The following GPR158 variants were observed in gnomAD, a reference collection of about 807,000 sequenced individuals.
GPR158 encodes G protein-coupled receptor 158, also known as metabotropic glycine receptor.
GPR158 carries 30 observed loss-of-function variants against 78.2 expected under a neutral mutation model. The observed-to-expected ratio is 0.38, with a 90% CI of 0.29 to 0.52. GPR158 has a LOEUF of 0.52. Among genes scored for constraint, GPR158 ranks in the 20% least tolerant of loss-of-function variants. The probability of loss-of-function intolerance (pLI) is 0.83; values close to 1 mark genes in which losing one functional copy is unlikely to be tolerated. For missense variants in GPR158, 1,463 were observed against 1,523.5 expected (o/e 0.96, Z 0.66); for synonymous variants, 581 against 591.1 (o/e 0.98, Z 0.25).
chr10:25,272,941 ATCATAATT>A (rs931969017), intron 2 of GPR158, among the ~76,000 whole-genome samples: 1 of 152,326 alleles, frequency 6.6e-6, no homozygotes, highest in African/African-American at 2.4e-5. Flanking sequence ...ATATGTCAAC[ATCATAATT>A]TCATGGGATT....
intron 2 of GPR158, among the ~76,000 whole-genome samples, chr10:25,252,112 C>T (rs1853811734): frequency 6.6e-6 from 1 of 152,170 alleles, no homozygotes; most frequent in Admixed American, 6.5e-5. Flanking sequence ...GCATCAGCTC[C>T]TGAGGCTTCT....
chr10:25,224,108 G>A (rs1056075503), intron 2 of GPR158, among the ~76,000 whole-genome samples: 10 of 152,226 alleles, frequency 6.6e-5, no homozygotes, highest in Admixed American at 6.5e-4. Context: ...GGTCTAGGAG[G>A]CCACTAAGCA....
chr10:25,449,440 T>C (rs1835184689), intron 4 of GPR158, among the ~76,000 whole-genome samples: 1 of 152,248 alleles, frequency 6.6e-6, no homozygotes, highest in African/African-American at 2.4e-5. Context: ...GTGATTCTTA[T>C]CAATGTTGCT....
chr10:25,319,830 C>CA (rs140178276), intron 2 of GPR158, among the ~76,000 whole-genome samples: 39 of 146,104 alleles, frequency 2.7e-4, no homozygotes, highest in South Asian at 1.5e-3. Context: ...CCACCCCCCC[C>CA]AAAAAAAAAC....
intron 6 of GPR158, among the ~76,000 whole-genome samples, chr10:25,559,886 C>G (rs1836839605): frequency 6.6e-6 from 1 of 152,206 alleles, no homozygotes. Flanking sequence ...TGTAACTCTT[C>G]TGATCTGTAA....
Position 25,449,725 on chromosome 10 carries a change from A to AT in GPR158, c.1336-16922dup, listed in dbSNP as rs1835188537. Among the ~76,000 whole-genome samples the AT allele has an allele frequency of 2.6e-5, 4 of 152,138 alleles. No homozygotes were observed. In the South Asian group the frequency reaches 8.3e-4, roughly 31 times the overall value. On this transcript the variant is annotated intron_variant, in intron 4 of 10. Transcript: ENST00000376351. ...TATACTTGAACATCCCTGAGAGGAG[A>AT]TTTTAAGTGTTCTCACCACAAAAAA...
intron 5 of GPR158, among the ~76,000 whole-genome samples, chr10:25,495,655 A>G (rs1213692450): frequency 6.6e-6 from 1 of 151,994 alleles, no homozygotes; most frequent in Non-Finnish European, 1.5e-5. Flanking sequence ...TGACCAAATG[A>G]TGATGAGTGG....
intron 2 of GPR158, among the ~76,000 whole-genome samples, chr10:25,240,309 G>T (rs1324282128): frequency 2.0e-5 from 3 of 152,204 alleles, no homozygotes; most frequent in African/African-American, 4.8e-5. Context: ...ATGAATTTGA[G>T]ACCAGCCTGG....
At chr10:25,265,672 A>C (rs2130737680) in intron 2 of GPR158, among the ~76,000 whole-genome samples, 1 of 152,284 alleles carries the variant, frequency 6.6e-6, no homozygotes, top group South Asian at 2.1e-4. Flanking sequence ...TATTGAAAGA[A>C]TGAAAGACCT....
intron 4 of GPR158, among the ~76,000 whole-genome samples, chr10:25,421,676 TATAAC>T (rs1834753969): frequency 6.6e-6 from 1 of 152,188 alleles, no homozygotes; most frequent in Non-Finnish European, 1.5e-5. Flanking sequence ...AACTAATAAA[TATAAC>T]ATTACTTTAA....
chr10:25,555,905 C>G (rs1836781740), intron 6 of GPR158, among the ~76,000 whole-genome samples: 1 of 152,094 alleles, frequency 6.6e-6, no homozygotes, highest in Non-Finnish European at 1.5e-5. Context: ...CTTCACTGTC[C>G]TCATTAGCAC....
At chr10:25,249,886 G>T (rs1853765430) in intron 2 of GPR158, among the ~76,000 whole-genome samples, 4 of 139,070 alleles carry the variant, frequency 2.9e-5, no homozygotes, top group African/African-American at 1.1e-4. Context: ...CAGAAGGAAT[G>T]GTACCAGTTC....
intron 2 of GPR158, among the ~76,000 whole-genome samples, chr10:25,337,671 A>G (rs955421421): frequency 1.3e-4 from 20 of 151,988 alleles, no homozygotes; most frequent in Admixed American, 3.3e-4. Flanking sequence ...GGGATTGATG[A>G]GTCATAGGGT....
At chr10:25,422,475 C>T (rs892113323) in intron 4 of GPR158, among the ~76,000 whole-genome samples, 1 of 152,046 alleles carries the variant, frequency 6.6e-6, no homozygotes, top group Admixed American at 6.6e-5. Context: ...ACACACCCTC[C>T]ACACCTCTGT....
intron 5 of GPR158, among the ~76,000 whole-genome samples, chr10:25,485,146 A>T (rs779601797): frequency 5.9e-5 from 9 of 152,242 alleles, no homozygotes; most frequent in Non-Finnish European, 1.2e-4. Context: ...AGAGTTCAGC[A>T]ATGTGTCCTG....
At chr10:25,425,685 TA>T (rs1195051580) in intron 4 of GPR158, among the ~76,000 whole-genome samples, 1 of 152,122 alleles carries the variant, frequency 6.6e-6, no homozygotes, top group Non-Finnish European at 1.5e-5. Flanking sequence ...ACAAGGAATT[TA>T]AACAAATCAG....
At chr10:25,196,925 A>C (rs1852852239) in intron 1 of GPR158, among the ~76,000 whole-genome samples, 1 of 152,186 alleles carries the variant, frequency 6.6e-6, no homozygotes, top group Admixed American at 6.5e-5. Context: ...TCTTAACACA[A>C]GCTGTCCTGC....
At chr10:25,363,771 G>T (rs760499694) in intron 2 of GPR158, among the ~76,000 whole-genome samples, 2 of 151,336 alleles carry the variant, frequency 1.3e-5, no homozygotes, top group African/African-American at 4.8e-5. Flanking sequence ...AAGCACTTAG[G>T]TTCCCCCTGT....
At position 25,396,009 on chromosome 10, in the gene GPR158, T is replaced by G; in HGVS notation, c.1107T>G (p.Phe369Leu). The change falls in exon 3 of 11, where the codon TTT (phenylalanine) becomes TTG (leucine). Residue 369 changes from phenylalanine to leucine, a missense_variant. Phe to Leu is a conservative substitution (Grantham distance 22). Transcript: ENST00000376351. ...CTGGAGTCTTACCAGTGAACAACTT[T>G]CGGAGTAAGTGCCCTTTGTTTCTAT... ...YHPGVLPVNN[F>L]RRRGPDQHIS... The G allele has an allele frequency of 6.7e-7, 1 of 1,486,792 alleles. No individual in the cohort carries two copies. Among genetic ancestry groups the G allele is most frequent in the East Asian group, 2.3e-5 (1 of 44,240 alleles). 92.1% of individuals were successfully genotyped at this position (1,486,792 alleles called of 1,614,324 possible).
Sources: allele counts gnomAD v4.1 joint callset (sites outside exome capture counted in the v4.1 genomes callset), GRCh38; gene constraint gnomAD v4.1.1; transcripts MANE v1.5; gene names NCBI Gene and HGNC (gene_info 2026-07-23, HGNC 2026-07-21).